Variants in PCDHGC3 observed in about 807,000 individuals in gnomAD.
PCDHGC3 encodes protocadherin gamma-C3.
Under a neutral mutation model 59.2 loss-of-function variants are expected in PCDHGC3, and 26 were observed. The ratio of observed to expected loss-of-function variants is 0.44; its 90% CI spans 0.32 to 0.61. PCDHGC3 has a LOEUF of 0.61. Ranked by LOEUF, PCDHGC3 falls within the 20% of genes least tolerant of loss-of-function variation. The probability of loss-of-function intolerance (pLI) is 0.05; values close to 1 mark genes in which losing one functional copy is unlikely to be tolerated. For synonymous variants in PCDHGC3, 487 were observed against 519.7 expected, an observed-to-expected ratio of 0.94 and a Z score of 0.86; for missense variants, 1,080 against 1,221.8, an observed-to-expected ratio of 0.88 and a Z score of 1.73.
At chr5:141,480,167 G>C (rs752444894) in intron 1 of PCDHGC3, among the ~76,000 whole-genome samples, 3 of 151,964 alleles carry the variant, frequency 2.0e-5, no homozygotes, top group Non-Finnish European at 2.9e-5. Flanking sequence ...ATTTTGGGAG[G>C]CTGAGGCAGG....
In PCDHGC3 at chr5:141,510,950, C is replaced by T. The variant is rs770587030; in HGVS notation, c.2582C>T (p.Ala861Val). 1.2e-6 allele frequency: 2 copies of T among 1,614,126 alleles called. No homozygotes were observed. The highest frequency in any genetic ancestry group is 2.2e-5 in the South Asian group (2 of 91,078). ...QAMILASASE[A>V]ADGSSTLGGG... Reference sequence around the variant, plus strand: ...TGATCTTCCTCTGTCTCTGCAGAAGCTGCTGATGGGAGCTCCACCCTGGGA... The same window carrying T: ...TGATCTTCCTCTGTCTCTGCAGAAGTTGCTGATGGGAGCTCCACCCTGGGA... The change falls in exon 4 of 4, where the codon GCT (alanine) becomes GTT (valine). Residue 861 changes from alanine (A) to valine (V), a missense_variant. Physicochemically the swap from Ala to Val is moderately conservative, Grantham distance 64. Transcript: ENST00000308177.
At chr5:141,510,589 A>G (rs1043188276) in intron 3 of PCDHGC3, among the ~76,000 whole-genome samples, 2 of 152,194 alleles carry the variant, frequency 1.3e-5, no homozygotes, top group African/African-American at 2.4e-5. Context: ...CGTACCTGAC[A>G]TACATTTTCT....
In PCDHGC3 at chr5:141,491,410, G is replaced by T. The variant is rs777207581; in HGVS notation, c.2431-3397G>T. On this transcript the variant is annotated intron_variant, in intron 1 of 3. Transcript: ENST00000308177. The surrounding 1 kb of genome is among the most constrained non-coding windows in gnomAD (Gnocchi z 6.9). ...GTGCCTTCAGGGAAACGCAGACGGG[G>T]ACGGGGGTGGAGGGCAGTGCTGCAG... 28 of 1,614,142 alleles carry T rather than the reference G, an allele frequency of 1.7e-5. No individual in the cohort carries two copies. The highest frequency in any genetic ancestry group is 2.4e-5 in the Non-Finnish European group (28 of 1,180,034).
Position 141,490,254 on chromosome 5 carries a change from G to A in PCDHGC3, c.2431-4553G>A. The A allele has an allele frequency of 6.2e-7, 1 of 1,614,236 alleles. No homozygotes were observed. Among genetic ancestry groups the A allele is most frequent in the Non-Finnish European group, 8.5e-7 (1 of 1,180,038 alleles). ...TGGAGGGCCACTGTGTGATTCAAGT[G>A]GATGTGGGGGATGTCAATGACAATG... On this transcript the variant is annotated intron_variant, in intron 1 of 3. Coordinates refer to ENST00000308177, the MANE Select transcript of PCDHGC3 (RefSeq NM_002588.4). The surrounding 1 kb of genome is among the most constrained non-coding windows in gnomAD (Gnocchi z 5.4).
chr5:141,486,146 G>T lies in PCDHGC3; in HGVS notation c.2430+7600G>T. Reference sequence around the variant, plus strand: ...TGAATTTGATGTGCGGGCTCGCGATGGGGGTTCTCCAGCCATGGAGCAACA... The same window carrying T: ...TGAATTTGATGTGCGGGCTCGCGATTGGGGTTCTCCAGCCATGGAGCAACA... On this transcript the variant is annotated intron_variant, in intron 1 of 3. Transcript: ENST00000308177. The surrounding 1 kb of genome is among the most constrained non-coding windows in gnomAD (Gnocchi z 5.0). 6.2e-7 allele frequency: 1 copy of T among 1,614,184 alleles called. No homozygotes were observed. The highest frequency in any genetic ancestry group is 8.5e-7 in the Non-Finnish European group (1 of 1,180,032).
In PCDHGC3 at chr5:141,510,980, G is replaced by A; in HGVS notation, c.2612G>A (p.Gly871Asp). The change falls in exon 4 of 4, where the codon GGT becomes GAT. Residue 871 changes from glycine (G) to aspartate (D), a missense_variant. Transcript: ENST00000308177. ...AADGSSTLGGGAGTMGLSARY... is the reference protein window; with the variant it reads ...AADGSSTLGGDAGTMGLSARY... ...GATGGGAGCTCCACCCTGGGAGGGG[G>A]TGCCGGCACCATGGGATTGAGCGCC... 1 of 1,614,170 alleles carries A rather than the reference G, an allele frequency of 6.2e-7. No homozygotes were observed.
intron 2 of PCDHGC3, among the ~76,000 whole-genome samples, chr5:141,501,236 G>T (rs571684337): frequency 5.5e-4 from 83 of 150,782 alleles, no homozygotes; most frequent in African/African-American, 2.0e-3. Context: ...TCAGTTTTTT[G>T]AGCATGATGT....
At position 141,491,291 on chromosome 5, in the gene PCDHGC3, C is replaced by G; in HGVS notation, c.2431-3516C>G. On this transcript the variant is annotated intron_variant, in intron 1 of 3. Coordinates refer to ENST00000308177, the MANE Select transcript of PCDHGC3 (RefSeq NM_002588.4). The surrounding 1 kb of genome is among the most constrained non-coding windows in gnomAD (Gnocchi z 6.9). ...AAATCCAGTGACTTCCTCATACACCCTCCTGAGCGTTCAGACCTTACCCTT... is the reference window on the plus strand; with the variant it reads ...AAATCCAGTGACTTCCTCATACACCGTCCTGAGCGTTCAGACCTTACCCTT... 2 of 1,614,152 alleles carry G rather than the reference C, an allele frequency of 1.2e-6. No homozygotes were observed. The highest frequency in any genetic ancestry group is 1.7e-6 in the Non-Finnish European group (2 of 1,179,974).
At chr5:141,481,472 A>G (rs2099538174) in intron 1 of PCDHGC3, among the ~76,000 whole-genome samples, 1 of 152,246 alleles carries the variant, frequency 6.6e-6, no homozygotes, top group Non-Finnish European at 1.5e-5. Context: ...CCATTGGATT[A>G]TACACTTTAA....
intron 2 of PCDHGC3, among the ~76,000 whole-genome samples, chr5:141,502,002 C>T (rs1434269040): frequency 1.3e-5 from 2 of 152,164 alleles, no homozygotes; most frequent in South Asian, 2.1e-4. Context: ...CCTGACAACC[C>T]GCATGCTCTC....
At position 141,485,240 on chromosome 5, in the gene PCDHGC3, C is replaced by G; in HGVS notation, c.2430+6694C>G. On this transcript the variant is annotated intron_variant, in intron 1 of 3. Coordinates refer to ENST00000308177, the MANE Select transcript of PCDHGC3 (RefSeq NM_002588.4). This position sits in a 1 kb window ranked among gnomAD's most constrained non-coding sequence, Gnocchi z 5.7. The stretch of plus-strand genomic sequence containing the variant: ...GGCTACCCTTTTGTTCCTCTTTTAC[C>G]ACCTGGGTTACGTTTGTGGGCAGAT... The G allele has an allele frequency of 6.2e-7, 1 of 1,614,174 alleles. No individual in the cohort carries two copies. The highest frequency in any genetic ancestry group is 8.5e-7 in the Non-Finnish European group (1 of 1,180,024).
At position 141,485,325 on chromosome 5, in the gene PCDHGC3, A is replaced by T; in HGVS notation, c.2430+6779A>T. 6.2e-7 allele frequency: 1 copy of T among 1,614,078 alleles called. No homozygotes were observed. Among genetic ancestry groups the T allele is most frequent in the Non-Finnish European group, 8.5e-7 (1 of 1,180,014 alleles). ...ACTTTTGTAGGGAATGTCGCTCAAG[A>T]TTTCCTGCTGGATACGGACAGTCTG... is the stretch of plus-strand genomic sequence containing the variant. On this transcript the variant is annotated intron_variant, in intron 1 of 3. Coordinates refer to ENST00000308177, the MANE Select transcript of PCDHGC3 (RefSeq NM_002588.4). This position sits in a 1 kb window ranked among gnomAD's most constrained non-coding sequence, Gnocchi z 5.7.
rs183968443 is a variant in PCDHGC3 at position 141,495,033 on chromosome 5, G to A, written c.2489+168G>A. On this transcript the variant is annotated intron_variant, in intron 2 of 3. Coordinates refer to ENST00000308177, the MANE Select transcript of PCDHGC3 (RefSeq NM_002588.4). ...GGGGCTGGCACACAGACCCCGGAAG[G>A]AAGAGGCGACTGCCCTGACTGTTCA... is the stretch of plus-strand genomic sequence containing the variant. 1.4e-3 allele frequency: 1,380 copies of A among 968,234 alleles called. 4 individuals are homozygous for A. Among genetic ancestry groups the A allele is most frequent in the Middle Eastern group, 5.3e-3 (10 of 1,888 alleles). 60.0% of individuals were successfully genotyped at this position (968,234 alleles called of 1,614,324 possible).
At position 141,491,623 on chromosome 5, in the gene PCDHGC3, G is replaced by A. The variant is rs767724749; in HGVS notation, c.2431-3184G>A. The A allele has an allele frequency of 3.7e-6, 6 of 1,613,812 alleles. No homozygotes were observed. The highest frequency in any genetic ancestry group is 2.7e-5 in the African/African-American group (2 of 74,938). On this transcript the variant is annotated intron_variant, in intron 1 of 3. Transcript: ENST00000308177. This position sits in a 1 kb window ranked among gnomAD's most constrained non-coding sequence, Gnocchi z 6.9. ...CTTCACTTTTCTAAGACCCCTCAGC[G>A]TTCAGCAGCCCACAGCTCTGGCGCT...
intron 2 of PCDHGC3, among the ~76,000 whole-genome samples, chr5:141,496,492 C>A (rs2099769172): frequency 6.6e-6 from 1 of 152,186 alleles, no homozygotes; most frequent in Non-Finnish European, 1.5e-5. Context: ...CCAACCAAAC[C>A]CTTGTTGCCA....
At chr5:141,482,033 C>G (rs1185284483) in intron 1 of PCDHGC3, among the ~76,000 whole-genome samples, 1 of 149,194 alleles carries the variant, frequency 6.7e-6, no homozygotes, top group African/African-American at 2.5e-5. Flanking sequence ...TGCAGTGAGC[C>G]AAGATCATGC....
At position 141,477,130 on chromosome 5, in the gene PCDHGC3, G is replaced by C; in HGVS notation, c.1014G>C (p.Val338=). The change falls in exon 1 of 4, where the codon GTG becomes GTC. Residue 338 remains valine, a synonymous_variant. Coordinates refer to ENST00000308177, the MANE Select transcript of PCDHGC3 (RefSeq NM_002588.4). The surrounding 1 kb of genome is among the most constrained non-coding windows in gnomAD (Gnocchi z 4.9). The part of the protein sequence containing the change: ...GANPEGAHCK[V]LVEVVDVNDN... ...ATCCCGAAGGAGCACATTGCAAAGT[G>C]TTGGTGGAGGTTGTGGATGTGAATG... 6.2e-7 allele frequency: 1 copy of C among 1,614,252 alleles called. No individual in the cohort carries two copies. The highest frequency in any genetic ancestry group is 2.2e-5 in the East Asian group (1 of 44,888).
Position 141,490,850 on chromosome 5 carries a change from G to A in PCDHGC3, c.2431-3957G>A, listed in dbSNP as rs374508743. The A allele has an allele frequency of 7.2e-5, 116 of 1,613,706 alleles. No homozygotes were observed. The highest frequency in any genetic ancestry group is 9.5e-5 in the Non-Finnish European group (112 of 1,179,902). ...ATGCTGCAGATTGTGGTGGGGGTTC[G>A]AGACTCCGGCTCTCCCCCATTGCAT... On this transcript the variant is annotated intron_variant, in intron 1 of 3. Transcript: ENST00000308177. This position sits in a 1 kb window ranked among gnomAD's most constrained non-coding sequence, Gnocchi z 5.4.
intron 2 of PCDHGC3, among the ~76,000 whole-genome samples, chr5:141,497,050 G>A (rs113054804): frequency 6.6e-5 from 10 of 152,096 alleles, no homozygotes; most frequent in East Asian, 5.8e-4. Context: ...TTAGCCAGGC[G>A]TGGTGGCAGG....
Sources: gnomAD v4.1 joint callset for allele counts (sites outside exome capture counted in the v4.1 genomes callset) on GRCh38, gnomAD v4.1.1 for gene constraint, Gnocchi (gnomAD v3.1) non-coding constraint, MANE v1.5 for transcripts, NCBI Gene and HGNC (gene_info 2026-07-23, HGNC 2026-07-21) for gene names.